The following CTNNA3 variants were observed in gnomAD, a reference collection of about 807,000 sequenced individuals.
CTNNA3 encodes the protein catenin alpha-3.
CTNNA3 carries 76 observed loss-of-function variants against 95.7 expected under a neutral mutation model. The observed-to-expected ratio is 0.79, with a 90% CI of 0.66 to 0.96. The LOEUF is 0.96. Among genes scored for constraint, CTNNA3 ranks in the 40% least tolerant of loss-of-function variants. The pLI, the probability that CTNNA3 is intolerant of heterozygous loss-of-function variation, is 0.00. For synonymous variants in CTNNA3, 431 were observed against 374.4 expected (o/e 1.15, Z -1.74); for missense variants, 1,191 against 1,089.8 (o/e 1.09, Z -1.31).
At chr10:66,312,682 G>T (rs2092038690) in intron 12 of CTNNA3, among the ~76,000 whole-genome samples, 2 of 152,002 alleles carry the variant, frequency 1.3e-5, no homozygotes, top group African/African-American at 4.8e-5. Flanking sequence ...GAGTAGCTGG[G>T]ACTACAGGCA....
chr10:66,095,501 G>A (rs1005174871), intron 14 of CTNNA3, among the ~76,000 whole-genome samples: 1 of 151,966 alleles, frequency 6.6e-6, no homozygotes, highest in Non-Finnish European at 1.5e-5. Flanking sequence ...ATTCTGTAAG[G>A]TAATTCCGTA....
chr10:66,926,459 C>T, intron 7 of CTNNA3: 1 of 1,062,772 alleles, frequency 9.4e-7, no homozygotes, highest in Non-Finnish European at 1.4e-6. Context: ...CCCAAGGGGT[C>T]CAATTTTTCT....
chr10:66,429,951 G>C (rs543929195), intron 11 of CTNNA3, among the ~76,000 whole-genome samples: 1 of 150,084 alleles, frequency 6.7e-6, no homozygotes, highest in African/African-American at 2.5e-5. Flanking sequence ...TAGGAAAAGA[G>C]GAAGACAAAT....
At chr10:66,217,843 C>T (rs1005428725) in intron 13 of CTNNA3, among the ~76,000 whole-genome samples, 3 of 152,084 alleles carry the variant, frequency 2.0e-5, no homozygotes, top group African/African-American at 7.2e-5. Flanking sequence ...AGCGGGAGGT[C>T]CAGCGAAACT....
intron 7 of CTNNA3, among the ~76,000 whole-genome samples, chr10:67,063,657 G>C (rs1008648143): frequency 6.6e-6 from 1 of 152,192 alleles, no homozygotes; most frequent in Non-Finnish European, 1.5e-5. Context: ...GCTCTTTCGA[G>C]AATAAATACT....
At chr10:67,290,088 G>A (rs1029469742) in intron 5 of CTNNA3, among the ~76,000 whole-genome samples, 1 of 152,074 alleles carries the variant, frequency 6.6e-6, no homozygotes, top group Non-Finnish European at 1.5e-5. Flanking sequence ...TTACAGATGT[G>A]AGCTACCATG....
chr10:66,546,566 T>A (rs994701493), intron 10 of CTNNA3, among the ~76,000 whole-genome samples: 2 of 152,056 alleles, frequency 1.3e-5, no homozygotes, highest in African/African-American at 4.8e-5. Context: ...CTCGAGAAAC[T>A]TACAAATATG....
chr10:66,322,057 G>A (rs1009126145), intron 12 of CTNNA3, among the ~76,000 whole-genome samples: 5 of 152,124 alleles, frequency 3.3e-5, no homozygotes, highest in Admixed American at 3.3e-4. Context: ...AAGCTCTGCT[G>A]GTAGATAGGG....
At chr10:67,757,337 G>A (rs531155643) in intron 1 of CTNNA3, among the ~76,000 whole-genome samples, 7 of 152,274 alleles carry the variant, frequency 4.6e-5, no homozygotes, top group South Asian at 2.1e-4. Context: ...CTGGGCTAAC[G>A]GATGCTGTGA....
chr10:67,086,823 T>C (rs867258882), intron 7 of CTNNA3, among the ~76,000 whole-genome samples: 12 of 152,178 alleles, frequency 7.9e-5, no homozygotes, highest in Middle Eastern at 3.4e-3. Context: ...TTGTTTGCTT[T>C]ATAATTTTTA....
chr10:66,233,635 T>C (rs1485682920), intron 13 of CTNNA3, among the ~76,000 whole-genome samples: 2 of 151,696 alleles, frequency 1.3e-5, no homozygotes, highest in Non-Finnish European at 2.9e-5. Flanking sequence ...ACTAGAATAG[T>C]TAAAATTAAA....
intron 7 of CTNNA3, among the ~76,000 whole-genome samples, chr10:66,877,257 A>G (rs979519332): frequency 6.6e-6 from 1 of 152,180 alleles, no homozygotes; most frequent in Non-Finnish European, 1.5e-5. Context: ...TAGATTGGCC[A>G]AGCCCCAAAA....
chr10:67,063,615 T>G (rs897264807), intron 7 of CTNNA3, among the ~76,000 whole-genome samples: 1 of 152,190 alleles, frequency 6.6e-6, no homozygotes, highest in Admixed American at 6.5e-5. Flanking sequence ...TTTTAGATAA[T>G]GCATATGACA....
chr10:66,863,666 G>A (rs1029292547), intron 7 of CTNNA3, among the ~76,000 whole-genome samples: 2 of 152,100 alleles, frequency 1.3e-5, no homozygotes, highest in Non-Finnish European at 2.9e-5. Context: ...CTAATTTGAA[G>A]TTCAGCTTTA....
chr10:67,750,412 T>C, intron 1 of CTNNA3: 1 of 1,484,554 alleles, frequency 6.7e-7, no homozygotes, highest in East Asian at 2.3e-5. Context: ...ATCGCCACAT[T>C]GACTGTGCCT....
At chr10:66,732,974 T>C (rs572234878) in intron 9 of CTNNA3, among the ~76,000 whole-genome samples, 1 of 152,116 alleles carries the variant, frequency 6.6e-6, no homozygotes, top group South Asian at 2.1e-4. Context: ...TTTTGGATTT[T>C]TAGTAGAGAC....
At chr10:67,564,663 ATGTG>A (rs1201263970) in intron 3 of CTNNA3, among the ~76,000 whole-genome samples, 105 of 95,414 alleles carry the variant, frequency 1.1e-3, no homozygotes, top group African/African-American at 4.4e-3. Context: ...ATATGCATAT[ATGTG>A]TGTGTGTGTG....
Position 66,552,145 on chromosome 10 carries a change from C to T in CTNNA3, c.1375-31372G>A, listed in dbSNP as rs533961913. Among the ~76,000 whole-genome samples, 17 of 152,114 alleles carry T rather than the reference C, an allele frequency of 1.1e-4. No homozygotes were observed. The South Asian group carries it at 3.5e-3, about 32-fold the overall frequency. ...GTCTCCATCTCCTGACCTCTTGATC[C>T]ACCCGCCTTGGCCTCCCAAGGTGCT... On this transcript the variant is annotated intron_variant, in intron 10 of 17. Transcript: ENST00000433211.
chr10:66,508,208 C>CTTTTTTTTTTTTTTT (rs1564498973), intron 11 of CTNNA3, among the ~76,000 whole-genome samples: 2 of 87,548 alleles, frequency 2.3e-5, no homozygotes, highest in African/African-American at 1.0e-4. Context: ...GTTTTGTTTT[C>CTTTTTTTTTTTTTTT]TGTTTTTTTT....
Sources: gnomAD v4.1 joint callset for allele counts (sites outside exome capture counted in the v4.1 genomes callset) on GRCh38, gnomAD v4.1.1 for gene constraint, MANE v1.5 for transcripts, NCBI Gene and HGNC (gene_info 2026-07-23, HGNC 2026-07-21) for gene names.